The following CDK19 variants were observed in gnomAD, a reference collection of about 807,000 sequenced individuals.
CDK19 encodes cyclin dependent kinase 19, also known as cyclin-dependent kinase 19.
In CDK19, 20 loss-of-function variants were observed where a neutral mutation model predicts 68.3. The ratio of observed to expected loss-of-function variants is 0.29; its 90% CI spans 0.21 to 0.43. CDK19 has a LOEUF of 0.43. CDK19 is among the 20% of genes least tolerant of loss of function. CDK19 has a pLI of 1.00. For synonymous variants in CDK19, 221 were observed against 222.8 expected, an observed-to-expected ratio of 0.99 and a Z score of 0.07; for missense variants, 339 against 623.5, an observed-to-expected ratio of 0.54 and a Z score of 4.86.
chr6:110,704,066 T>G (rs1321363064), intron 2 of CDK19, among the ~76,000 whole-genome samples: 1 of 152,184 alleles, frequency 6.6e-6, no homozygotes, highest in African/African-American at 2.4e-5. Flanking sequence ...ACAACAATAA[T>G]CAGGGCATGC....
chr6:110,621,436 G>T lies in CDK19; in HGVS notation c.1111-66C>A. The T allele has an allele frequency of 6.7e-7, 1 of 1,491,388 alleles. No individual in the cohort carries two copies. Among genetic ancestry groups the T allele is most frequent in the South Asian group, 1.4e-5 (1 of 74,052 alleles). The allele number at this position is 1,491,388 out of a possible 1,614,324, so 92.4% of individuals were successfully genotyped here. A position where few individuals can be genotyped will look rare whatever the true frequency, so the allele number is the denominator to read the frequency against. On this transcript the variant is annotated intron_variant, in intron 11 of 12. Transcript: ENST00000368911. The surrounding 1 kb of genome is among the most constrained non-coding windows in gnomAD (Gnocchi z 5.4). ...TAACAGGAGCTTTCTTTAATTATTT[G>T]ATATGCACATGTGGCTGCTGACCAA...
chr6:110,752,891 G>C (rs568138782), intron 1 of CDK19, among the ~76,000 whole-genome samples: 1 of 151,636 alleles, frequency 6.6e-6, no homozygotes, highest in Admixed American at 6.6e-5. Context: ...CAAACTGATT[G>C]ACTAGTTATC....
At chr6:110,689,412 C>A (rs780082908) in intron 2 of CDK19, among the ~76,000 whole-genome samples, 1 of 152,202 alleles carries the variant, frequency 6.6e-6, no homozygotes, top group Non-Finnish European at 1.5e-5. Context: ...CTGGGTAACA[C>A]AAGGCAAGTA....
Position 110,756,105 on chromosome 6 carries a change from G to A in CDK19, c.129-9904C>T, listed in dbSNP as rs1473420942. On this transcript the variant is annotated intron_variant, in intron 1 of 12. Transcript: ENST00000368911. Reference sequence around the variant, plus strand: ...GAAACTCTGTCTCTACTAAAAATACGAAATTAGCTAGGCGTGGCACACACC... The same window carrying A: ...GAAACTCTGTCTCTACTAAAAATACAAAATTAGCTAGGCGTGGCACACACC... Among the ~76,000 whole-genome samples, 5 of 151,550 alleles carry A rather than the reference G, an allele frequency of 3.3e-5. No homozygotes were observed. In the East Asian group the frequency reaches 5.9e-4, roughly 18 times the overall value.
intron 4 of CDK19, among the ~76,000 whole-genome samples, chr6:110,658,752 G>T (rs1024020888): frequency 6.6e-6 from 1 of 152,074 alleles, no homozygotes; most frequent in African/African-American, 2.4e-5. Context: ...ATTTACACTA[G>T]ATCTCTGCTT....
Position 110,613,648 on chromosome 6 carries a change from C to A in CDK19, c.*887G>T, listed in dbSNP as rs1778138531. Reference sequence around the variant, plus strand: ...AAAGGGAAGTAACACGTCTTTTGATCAAAATTACTCCTTACAGAAATCCTA... The same window carrying A: ...AAAGGGAAGTAACACGTCTTTTGATAAAAATTACTCCTTACAGAAATCCTA... On this transcript the variant is annotated 3_prime_UTR_variant, in exon 13 of 13. Coordinates refer to ENST00000368911, the MANE Select transcript of CDK19 (RefSeq NM_015076.5). 6.6e-6 allele frequency: 1 copy of A among 152,594 alleles called. No homozygotes were observed. The highest frequency in any genetic ancestry group is 2.4e-5 in the African/African-American group (1 of 41,434). 9.5% of individuals were successfully genotyped at this position (152,594 alleles called of 1,614,324 possible). A position where few individuals can be genotyped will look rare whatever the true frequency, so the allele number is the denominator to read the frequency against.
chr6:110,766,172 C>A (rs1248429839), intron 1 of CDK19, among the ~76,000 whole-genome samples: 1 of 152,118 alleles, frequency 6.6e-6, no homozygotes, highest in Non-Finnish European at 1.5e-5. Context: ...GCACTATTCA[C>A]AATACTGAAG....
At chr6:110,691,839 G>A (rs1335369784) in intron 2 of CDK19, among the ~76,000 whole-genome samples, 1 of 150,228 alleles carries the variant, frequency 6.7e-6, no homozygotes, top group East Asian at 2.1e-4. Flanking sequence ...GTAGAGACGG[G>A]GTTTCACCAT....
intron 12 of CDK19, among the ~76,000 whole-genome samples, chr6:110,617,662 T>TATATACACACACACACACAC (rs755618032): frequency 2.8e-5 from 3 of 107,158 alleles, no homozygotes; most frequent in East Asian, 2.4e-4. Context: ...TATATATATA[T>TATATACACACACACACACAC]ACACACACAC....
chr6:110,731,356 ATT>A (rs1258839848), intron 2 of CDK19, among the ~76,000 whole-genome samples: 1 of 152,146 alleles, frequency 6.6e-6, no homozygotes, highest in Non-Finnish European at 1.5e-5. Flanking sequence ...AGACTGGCTA[ATT>A]GAAAAAGAAT....
At chr6:110,716,871 C>A (rs966220717) in intron 2 of CDK19, among the ~76,000 whole-genome samples, 3 of 152,102 alleles carry the variant, frequency 2.0e-5, no homozygotes, top group Non-Finnish European at 2.9e-5. Context: ...CAGTGGCTCA[C>A]GCCTAAAATC....
At chr6:110,713,928 C>T (rs558907416) in intron 2 of CDK19, among the ~76,000 whole-genome samples, 1 of 152,266 alleles carries the variant, frequency 6.6e-6, no homozygotes, top group East Asian at 1.9e-4. Flanking sequence ...TTTCTTTTTA[C>T]TGAGGTAAAA....
chr6:110,749,994 A>T (rs1340207910), intron 1 of CDK19, among the ~76,000 whole-genome samples: 1 of 144,502 alleles, frequency 6.9e-6, no homozygotes, highest in East Asian at 2.2e-4. Context: ...CTGGTCTCGA[A>T]CTCCTGACCT....
At chr6:110,614,850 T>A (rs183642622) in intron 12 of CDK19, among the ~76,000 whole-genome samples, 184 bp from the exon 13 acceptor site, 1 of 152,214 alleles carries the variant, frequency 6.6e-6, no homozygotes, top group African/African-American at 2.4e-5. Flanking sequence ...CTGCCACCAC[T>A]GTAACCACAC....
At position 110,815,435 on chromosome 6, in the gene CDK19, G is replaced by C. The variant is rs1783565732; in HGVS notation, c.-299C>G. ...CTTGTTTTGGAACCTGGTGGGCCGC[G>C]CCGTGGCTTCCTCGAGCTCATTAGC... On this transcript the variant is annotated 5_prime_UTR_variant, in exon 1 of 13. Coordinates refer to ENST00000368911, the MANE Select transcript of CDK19 (RefSeq NM_015076.5). 1 of 260,738 alleles carries C rather than the reference G, an allele frequency of 3.8e-6. No homozygotes were observed. The highest frequency in any genetic ancestry group is 7.9e-5 in the East Asian group (1 of 12,624). 16.2% of individuals were successfully genotyped at this position (260,738 alleles called of 1,614,324 possible).
rs147231800 is a variant in CDK19, at chr6:110,649,538, A to C, written c.457-10832T>G. Among the ~76,000 whole-genome samples the C allele has an allele frequency of 7.3e-3, 1,110 of 152,308 alleles. 6 individuals carry two copies. The highest frequency in any genetic ancestry group is 0.02 in the Middle Eastern group (6 of 294). On this transcript the variant is annotated intron_variant, in intron 4 of 12. Transcript: ENST00000368911. ...TTTGGCTGTATTAAAATAACTTCCAATTATCAAAAGATAAAGAAAATAAAT... is the reference window on the plus strand; with the variant it reads ...TTTGGCTGTATTAAAATAACTTCCACTTATCAAAAGATAAAGAAAATAAAT...
At position 110,765,620 on chromosome 6, in the gene CDK19, G is replaced by A. The variant is rs113434161; in HGVS notation, c.129-19419C>T. ...TGCTTGAACCCGGGAGGCGGAGGCTGCAGTGAGTCGAGATCACACCACTGC... is the reference window on the plus strand; with the variant it reads ...TGCTTGAACCCGGGAGGCGGAGGCTACAGTGAGTCGAGATCACACCACTGC... On this transcript the variant is annotated intron_variant, in intron 1 of 12. Coordinates refer to ENST00000368911, the MANE Select transcript of CDK19 (RefSeq NM_015076.5). Among the ~76,000 whole-genome samples the A allele has an allele frequency of 8.7e-3, 1,312 of 150,512 alleles. 20 individuals carry two copies. The highest frequency in any genetic ancestry group is 0.031 in the African/African-American group (1,253 of 40,848).
chr6:110,723,361 C>A lies in CDK19; in HGVS notation c.204+22765G>T, dbSNP rs949166798. ...GTCTTCCCAACTGAGATCCCAGTCA[C>A]CACATGGCTGAGAAAAATCTATCCC... On this transcript the variant is annotated intron_variant, in intron 2 of 12. Coordinates refer to ENST00000368911, the MANE Select transcript of CDK19 (RefSeq NM_015076.5). 3.3e-5 allele frequency among the ~76,000 whole-genome samples: 5 copies of A among 152,100 alleles called. No homozygotes were observed. In the East Asian group the frequency reaches 9.6e-4, roughly 29 times the overall value.
intron 1 of CDK19, among the ~76,000 whole-genome samples, chr6:110,759,216 C>T (rs530914094): frequency 3.3e-5 from 5 of 150,088 alleles, no homozygotes; most frequent in South Asian, 2.1e-4. Flanking sequence ...CTGGCTAACA[C>T]GGTGAAACCC....
Sources: gnomAD v4.1 joint callset for allele counts (sites outside exome capture counted in the v4.1 genomes callset) on GRCh38, gnomAD v4.1.1 for gene constraint, Gnocchi (gnomAD v3.1) non-coding constraint, MANE v1.5 for transcripts, NCBI Gene and HGNC (gene_info 2026-07-23, HGNC 2026-07-21) for gene names.